TRPM5: variants seen among roughly 807,000 people sequenced by gnomAD.
TRPM5 encodes transient receptor potential cation channel subfamily M member 5.
A neutral mutation model predicts 124.9 loss-of-function variants in TRPM5; 121 were observed. The ratio of observed to expected loss-of-function variants is 0.97; its 90% CI spans 0.84 to 1.13. The LOEUF (loss-of-function observed/expected upper bound fraction) is 1.13, where lower values mean the gene tolerates loss of function less well. Ranked by LOEUF, TRPM5 falls within the 50% of genes most tolerant of loss-of-function variation. TRPM5 has a pLI of 0.00. For missense variants in TRPM5, 1,643 were observed against 1,589.1 expected, an observed-to-expected ratio of 1.03 and a Z score of -0.58; for synonymous variants, 781 against 700.5, an observed-to-expected ratio of 1.11 and a Z score of -1.81.
At chr11:2,408,566 C>T (rs1850372768) in intron 18 of TRPM5, among the ~76,000 whole-genome samples, 1 of 152,224 alleles carries the variant, frequency 6.6e-6, no homozygotes, top group Non-Finnish European at 1.5e-5. Context: ...AGCTTGCAGG[C>T]TGAGCTCCCT....
chr11:2,435,030 G>A, the TRPM5 span, among the ~76,000 whole-genome samples: 1 of 152,074 alleles, frequency 6.6e-6, no homozygotes, highest in Non-Finnish European at 1.5e-5. This position sits in a 1 kb window ranked among gnomAD's most constrained non-coding sequence, Gnocchi z 4.1. Context: ...CAAACACTTG[G>A]ACTTGAGCAA....
rs759606214 is a variant in TRPM5 at position 2,420,275 on chromosome 11, T to C, written c.596A>G (p.Glu199Gly). The C allele has an allele frequency of 1.9e-6, 3 of 1,611,836 alleles. No homozygotes were observed. In the South Asian group the frequency reaches 3.3e-5, roughly 18 times the overall value. ...GTGCTTCTCCAGCCTCAGCCGCAGC[T>C]CCGTCAGCCCATCGCCCTTCCCCGG... is the stretch of plus-strand genomic sequence containing the variant. The change falls in exon 4 of 24, where the codon GAG becomes GGG. Residue 199 changes from glutamate to glycine, a missense_variant. Coordinates refer to ENST00000155858, the Ensembl canonical transcript of TRPM5.
Position 2,412,734 on chromosome 11 carries a change from A to G in TRPM5, c.2355+20T>C. On this transcript the variant is annotated intron_variant, in intron 15 of 23. Transcript: ENST00000155858. ...TGAAGCTGCAGAGTGGAGGGGACCTAGGCTAGTGTGGCCACCGACCTGCCG... is the reference window on the plus strand; with the variant it reads ...TGAAGCTGCAGAGTGGAGGGGACCTGGGCTAGTGTGGCCACCGACCTGCCG... 6.4e-7 allele frequency: 1 copy of G among 1,573,406 alleles called. No individual in the cohort carries two copies. The highest frequency in any genetic ancestry group is 1.2e-5 in the South Asian group (1 of 83,868).
chr11:2,414,778 G>C, exon 11 of TRPM5: 1 of 1,564,162 alleles, frequency 6.4e-7, no homozygotes, highest in Non-Finnish European at 8.7e-7. Context: ...TCCGTCTCCA[G>C]GTGCGACATC....
upstream of TRPM5, among the ~76,000 whole-genome samples, chr11:2,423,845 C>T (rs1845808175): frequency 6.6e-6 from 1 of 152,144 alleles, no homozygotes; most frequent in African/African-American, 2.4e-5. Flanking sequence ...GCCCTGGCTC[C>T]GCCCCTGCCC....
chr11:2,424,889 C>T (rs1325472249), upstream of TRPM5, among the ~76,000 whole-genome samples: 7 of 152,248 alleles, frequency 4.6e-5, no homozygotes, highest in African/African-American at 1.7e-4. Context: ...CAGGACCCAC[C>T]CACGGGCCTC....
chr11:2,432,162 A>G, the TRPM5 span, among the ~76,000 whole-genome samples: 1 of 152,208 alleles, frequency 6.6e-6, no homozygotes, highest in African/African-American at 2.4e-5. Flanking sequence ...CACTGCTGCC[A>G]GGGGAGGAGG....
intron 18 of TRPM5, among the ~76,000 whole-genome samples, chr11:2,408,975 A>C (rs1850384772): frequency 6.6e-6 from 1 of 152,154 alleles, no homozygotes; most frequent in Non-Finnish European, 1.5e-5. Flanking sequence ...AGTGTATCTT[A>C]GTGCCTGCCA....
At chr11:2,442,918 G>T in the TRPM5 span, among the ~76,000 whole-genome samples, 5 of 152,300 alleles carry the variant, frequency 3.3e-5, no homozygotes, top group East Asian at 9.6e-4. The surrounding 1 kb of genome is among the most constrained non-coding windows in gnomAD (Gnocchi z 5.9). Flanking sequence ...TGTCTGGCAG[G>T]TTCCTCACCT....
At chr11:2,411,808 G>A in intron 16 of TRPM5, 41 bp from the exon 22 acceptor site, 1 of 1,608,220 alleles carries the variant, frequency 6.2e-7, no homozygotes, top group Non-Finnish European at 8.5e-7. Context: ...GGCCCAGAGA[G>A]GGGCAGAGGC....
intron 13 of TRPM5, 52 bp downstream of exon 18, chr11:2,413,424 G>C (rs368311215): frequency 9.9e-6 from 15 of 1,517,996 alleles, no homozygotes; most frequent in East Asian, 4.6e-5. Flanking sequence ...CCGTAGCTCC[G>C]GCACTCGCAC....
intron 11 of TRPM5, 146 bp downstream of exon 16, chr11:2,414,569 T>A: frequency 8.3e-7 from 1 of 1,200,748 alleles, no homozygotes; most frequent in South Asian, 1.6e-5. Context: ...GAGCCGTCTG[T>A]CCTCTCCTAT....
At chr11:2,406,370 C>A (rs1384024628) in intron 21 of TRPM5, among the ~76,000 whole-genome samples, 17 of 152,122 alleles carry the variant, frequency 1.1e-4, no homozygotes, top group Admixed American at 1.1e-3. Flanking sequence ...GGGGACAGGC[C>A]CCTGGAGCCA....
intron 18 of TRPM5, among the ~76,000 whole-genome samples, chr11:2,409,203 C>T (rs1850390873): frequency 6.6e-6 from 1 of 152,146 alleles, no homozygotes; most frequent in Admixed American, 6.5e-5. Context: ...CCTCCCCACG[C>T]TCCCACCCTA....
intron 4 of TRPM5, among the ~76,000 whole-genome samples, chr11:2,419,636 A>T (rs1377130223): frequency 6.6e-6 from 1 of 151,292 alleles, no homozygotes; most frequent in Non-Finnish European, 1.5e-5. Flanking sequence ...AAAAAAAAAA[A>T]AAAACAGAGG....
At chr11:2,430,778 G>A in the TRPM5 span, among the ~76,000 whole-genome samples, 12 of 149,628 alleles carry the variant, frequency 8.0e-5, no homozygotes, top group African/African-American at 3.0e-4. Context: ...TGGTGATGGT[G>A]GTGTTGATGG....
upstream of TRPM5, among the ~76,000 whole-genome samples, chr11:2,424,514 G>C (rs532444823): frequency 6.6e-6 from 1 of 152,248 alleles, no homozygotes; most frequent in Non-Finnish European, 1.5e-5. Context: ...GCTGGAGCAG[G>C]GGGAGCCCTG....
chr11:2,410,662 GC>G (rs773296814), intron 18 of TRPM5: 21 of 442,484 alleles, frequency 4.7e-5, no homozygotes, highest in African/African-American at 3.9e-4. Flanking sequence ...TCTGACCCCC[GC>G]CCCCTCCCCA....
chr11:2,417,704 T>TTGCCCCCCC, intron 7 of TRPM5, 23 bp downstream of exon 12: 1 of 1,247,222 alleles, frequency 8.0e-7, no homozygotes, highest in Non-Finnish European at 1.2e-6. Context: ...GGCGCCTGCC[T>TTGCCCCCCC]TGCCCACCCT....
Sources: gnomAD v4.1 joint callset for allele counts (sites outside exome capture counted in the v4.1 genomes callset) on GRCh38, gnomAD v4.1.1 for gene constraint, Gnocchi (gnomAD v3.1) non-coding constraint, MANE v1.5 for transcripts, NCBI Gene and HGNC (gene_info 2026-07-23, HGNC 2026-07-21) for gene names.